NTM: variants seen among roughly 807,000 people sequenced by gnomAD.
NTM encodes neurotrimin.
A neutral mutation model predicts 42.1 loss-of-function variants in NTM; 13 were observed. The ratio of observed to expected loss-of-function variants is 0.31; its 90% confidence interval spans 0.20 to 0.49. The LOEUF is 0.49. NTM is among the 20% of genes least tolerant of loss of function. The probability of loss-of-function intolerance (pLI) is 0.99; values close to 1 mark genes in which losing one functional copy is unlikely to be tolerated. For synonymous variants in NTM, 187 were observed against 179.2 expected (o/e 1.04, Z -0.35); for missense variants, 373 against 452.8 (o/e 0.82, Z 1.60).
chr11:131,429,683 G>A (rs913136935), intron 1 of NTM, among the ~76,000 whole-genome samples: 4 of 152,064 alleles, frequency 2.6e-5, no homozygotes, highest in African/African-American at 9.7e-5. Flanking sequence ...TCCAGCTGGG[G>A]GTCTCTCGTG....
At chr11:131,494,546 G>C (rs1955135316) in intron 1 of NTM, among the ~76,000 whole-genome samples, 1 of 152,180 alleles carries the variant, frequency 6.6e-6, no homozygotes, top group Non-Finnish European at 1.5e-5. Context: ...GTGAGATATG[G>C]AACTTTCAGA....
intron 2 of NTM, among the ~76,000 whole-genome samples, chr11:132,106,771 C>A (rs2062428506): frequency 6.6e-6 from 1 of 152,204 alleles, no homozygotes; most frequent in Admixed American, 6.5e-5. Context: ...AGCATCCCTT[C>A]CCAGGTGTTC....
intron 1 of NTM, among the ~76,000 whole-genome samples, chr11:131,732,992 CATA>C (rs1404715468): frequency 2.0e-5 from 3 of 151,950 alleles, no homozygotes; most frequent in Non-Finnish European, 2.9e-5. Flanking sequence ...TAGTATGATG[CATA>C]ATAATCTATC....
At chr11:131,612,667 T>C (rs1210703185) in intron 1 of NTM, among the ~76,000 whole-genome samples, 1 of 152,230 alleles carries the variant, frequency 6.6e-6, no homozygotes, top group Non-Finnish European at 1.5e-5. Context: ...TTACCTCACA[T>C]GTTTATCGAA....
chr11:132,256,833 C>G (rs1430813292), intron 4 of NTM, among the ~76,000 whole-genome samples: 1 of 152,204 alleles, frequency 6.6e-6, no homozygotes, highest in Non-Finnish European at 1.5e-5. Flanking sequence ...GGCCTGCCGC[C>G]CACGGACCCG....
intron 2 of NTM, among the ~76,000 whole-genome samples, chr11:132,074,298 A>G (rs374915735): frequency 2.0e-5 from 3 of 152,200 alleles, no homozygotes; most frequent in Admixed American, 6.5e-5. Context: ...CTCAGGGTCC[A>G]TCACCATTCT....
At chr11:131,413,176 C>T (rs1358279581) in intron 1 of NTM, among the ~76,000 whole-genome samples, 1 of 152,162 alleles carries the variant, frequency 6.6e-6, no homozygotes, top group African/African-American at 2.4e-5. Flanking sequence ...GAGTTGGTGC[C>T]ACTTTGTAAC....
intron 1 of NTM, among the ~76,000 whole-genome samples, chr11:131,697,920 AAAGAGC>A (rs2075649661): frequency 6.6e-6 from 1 of 152,152 alleles, no homozygotes; most frequent in Non-Finnish European, 1.5e-5. Flanking sequence ...GTGGCCTGGG[AAAGAGC>A]ATGTTCCTCC....
chr11:131,773,020 G>A (rs533313718), intron 1 of NTM, among the ~76,000 whole-genome samples: 12 of 152,292 alleles, frequency 7.9e-5, no homozygotes, highest in Admixed American at 4.6e-4. Flanking sequence ...CATAAATAAA[G>A]GATAGGCATT....
intron 1 of NTM, among the ~76,000 whole-genome samples, chr11:131,637,941 C>A (rs1015483676): frequency 1.3e-5 from 2 of 152,150 alleles, no homozygotes; most frequent in African/African-American, 2.4e-5. Context: ...AAATCAGTTT[C>A]TCTGTGGACT....
intron 1 of NTM, among the ~76,000 whole-genome samples, chr11:131,378,927 A>C (rs567182652): frequency 6.6e-6 from 1 of 152,326 alleles, no homozygotes; most frequent in South Asian, 2.1e-4. Flanking sequence ...TTCATATGTT[A>C]GGTAGAAGTG....
chr11:131,923,476 G>A (rs1018160266), intron 2 of NTM, among the ~76,000 whole-genome samples: 6 of 152,176 alleles, frequency 3.9e-5, no homozygotes, highest in East Asian at 3.9e-4. Flanking sequence ...TAGGGTGTGC[G>A]TGAGCTGGCG....
intron 1 of NTM, among the ~76,000 whole-genome samples, chr11:131,867,085 G>A (rs1728992028): frequency 6.6e-6 from 1 of 152,150 alleles, no homozygotes; most frequent in African/African-American, 2.4e-5. Context: ...TCAATTAGCA[G>A]CCCAAAAGTA....
intron 1 of NTM, among the ~76,000 whole-genome samples, chr11:131,410,083 G>A (rs572147579): frequency 2.6e-5 from 4 of 152,264 alleles, no homozygotes; most frequent in African/African-American, 9.6e-5. Context: ...AGCAACAGAT[G>A]GCAGCTGCAA....
At chr11:132,085,081 T>C (rs1594501505) in intron 2 of NTM, among the ~76,000 whole-genome samples, 1 of 152,254 alleles carries the variant, frequency 6.6e-6, no homozygotes, top group South Asian at 2.1e-4. Context: ...TTTGCAAGAT[T>C]AATTTTTAGA....
chr11:131,933,447 C>T (rs933554576), intron 2 of NTM, among the ~76,000 whole-genome samples: 1 of 152,170 alleles, frequency 6.6e-6, no homozygotes, highest in African/African-American at 2.4e-5. Context: ...AGGATTTGCT[C>T]TTTCTAAATA....
intron 2 of NTM, among the ~76,000 whole-genome samples, chr11:132,009,295 C>T (rs1360989004): frequency 6.6e-6 from 1 of 152,182 alleles, no homozygotes; most frequent in East Asian, 1.9e-4. Context: ...TTTTACTGAC[C>T]TACTCCTCAT....
chr11:131,389,024 A>ACAAAAGAAAAGAAAAG (rs1555097640), intron 1 of NTM, among the ~76,000 whole-genome samples: 1 of 89,906 alleles, frequency 1.1e-5, no homozygotes, highest in Non-Finnish European at 2.1e-5. Flanking sequence ...AAAAAAAAAA[A>ACAAAAGAAAAGAAAAG]AAAAGAAAAG....
chr11:131,617,508 G>A (rs1047456703), intron 1 of NTM, among the ~76,000 whole-genome samples: 18 of 152,118 alleles, frequency 1.2e-4, no homozygotes, highest in Non-Finnish European at 2.5e-4. Context: ...AGTATGAGCT[G>A]AGCTGAGTCC....
Sources: allele counts gnomAD v4.1 joint callset (sites outside exome capture counted in the v4.1 genomes callset), GRCh38; gene constraint gnomAD v4.1.1; transcripts MANE v1.5; gene names NCBI Gene and HGNC (gene_info 2026-07-23, HGNC 2026-07-21).